Variants in PKN2 observed in about 807,000 individuals in gnomAD.
The protein encoded by PKN2 is protein kinase N2, also known as serine/threonine-protein kinase N2.
PKN2 carries 38 observed loss-of-function variants against 119.1 expected under a neutral mutation model. That is an observed-to-expected ratio of 0.32 (90% confidence interval 0.25 to 0.42). The LOEUF (loss-of-function observed/expected upper bound fraction) is 0.42, where lower values mean the gene tolerates loss of function less well. PKN2 is among the 10% of genes least tolerant of loss of function. The pLI, the probability that PKN2 is intolerant of heterozygous loss-of-function variation, is 1.00. For synonymous variants in PKN2, 390 were observed against 384.9 expected, an observed-to-expected ratio of 1.01 and a Z score of -0.15; for missense variants, 850 against 1,165.1, an observed-to-expected ratio of 0.73 and a Z score of 3.94.
rs530787358 is a variant in PKN2 at position 88,758,913 on chromosome 1, T to C, written c.350-1309T>C. On this transcript the variant is annotated intron_variant, in intron 2 of 21. Coordinates refer to ENST00000370521, the MANE Select transcript of PKN2 (RefSeq NM_006256.4). The stretch of plus-strand genomic sequence containing the variant: ...TTTGGGTATATACCCAGTAATGGGA[T>C]TGCTGGGTCGAACGGTATTTCTGTC... Among the ~76,000 whole-genome samples, 5 of 152,346 alleles carry C rather than the reference T, an allele frequency of 3.3e-5. No homozygotes were observed. In the East Asian group the frequency reaches 9.6e-4, roughly 29 times the overall value.
intron 1 of PKN2, among the ~76,000 whole-genome samples, chr1:88,716,004 T>C (rs768889980): frequency 6.6e-6 from 1 of 152,226 alleles, no homozygotes; most frequent in Non-Finnish European, 1.5e-5. Context: ...TTTGTTCTCA[T>C]TGGTTTCAAA....
chr1:88,755,305 G>A (rs537627891), intron 2 of PKN2, among the ~76,000 whole-genome samples: 53 of 152,274 alleles, frequency 3.5e-4, no homozygotes, highest in Admixed American at 9.8e-4. Context: ...GAGAAGAAAA[G>A]CAGTGTGTAG....
rs983815402 is a variant in PKN2, at chr1:88,760,394, A to G, written c.504+18A>G. On this transcript the variant is annotated intron_variant, in intron 3 of 21. Coordinates refer to ENST00000370521, the MANE Select transcript of PKN2 (RefSeq NM_006256.4). ...CTTCAAAGGTAAGTGTAGTTAATAA[A>G]TGTAACTATATAGTCAGTCATTATT... 1.5e-6 allele frequency: 2 copies of G among 1,330,142 alleles called. No homozygotes were observed. Among genetic ancestry groups the G allele is most frequent in the African/African-American group, 1.5e-5 (1 of 66,432 alleles). The allele number at this position is 1,330,142 out of a possible 1,614,324, so 82.4% of individuals were successfully genotyped here. A position where few individuals can be genotyped will look rare whatever the true frequency, so the allele number is the denominator to read the frequency against.
At chr1:88,703,803 C>T (rs1666865020) in intron 1 of PKN2, among the ~76,000 whole-genome samples, 1 of 151,998 alleles carries the variant, frequency 6.6e-6, no homozygotes. Flanking sequence ...AAATGAGACC[C>T]AGAGAGGTTT....
At chr1:88,693,319 C>G (rs1029616327) in intron 1 of PKN2, among the ~76,000 whole-genome samples, 22 of 152,164 alleles carry the variant, frequency 1.4e-4, no homozygotes, top group African/African-American at 5.3e-4. Context: ...ATCTTCTGAA[C>G]AGTTTACTAG....
chr1:88,829,016 G>T (rs200056151), intron 19 of PKN2: 143 of 641,584 alleles, frequency 2.2e-4, no homozygotes, highest in Non-Finnish European at 2.8e-4. Flanking sequence ...CCAGACTTCC[G>T]TCTGAGCAAC....
intron 18 of PKN2, among the ~76,000 whole-genome samples, chr1:88,826,504 A>C (rs1672506585): frequency 6.6e-6 from 1 of 152,122 alleles, no homozygotes; most frequent in Non-Finnish European, 1.5e-5. Flanking sequence ...TAGTGGTGAA[A>C]TCAAGGCTTT....
At chr1:88,709,179 G>A (rs1214662287) in intron 1 of PKN2, among the ~76,000 whole-genome samples, 1 of 151,528 alleles carries the variant, frequency 6.6e-6, no homozygotes. Context: ...TCAGCCTCCC[G>A]AGTAGCTGGG....
At chr1:88,767,045 A>G (rs1045830846) in intron 3 of PKN2, among the ~76,000 whole-genome samples, 2 of 152,210 alleles carry the variant, frequency 1.3e-5, no homozygotes, top group African/African-American at 4.8e-5. Flanking sequence ...AAATAATAAA[A>G]GAAGTAGCTT....
chr1:88,756,860 T>G (rs1669227522), intron 2 of PKN2, among the ~76,000 whole-genome samples: 1 of 152,200 alleles, frequency 6.6e-6, no homozygotes, highest in South Asian at 2.1e-4. Flanking sequence ...GTACACATAA[T>G]TTATTTAATC....
rs921539670 is a variant in PKN2 at position 88,805,608 on chromosome 1, C to T, written c.1613C>T (p.Ala538Val). Residue 538 changes from alanine (A) to valine (V), a missense_variant, in exon 11 of 22, where the codon GCT becomes GTT. Physicochemically the swap from Ala to Val is moderately conservative, Grantham distance 64. Coordinates refer to ENST00000370521, the MANE Select transcript of PKN2 (RefSeq NM_006256.4). The stretch of plus-strand genomic sequence containing the variant: ...CATTCTGGCACCTTCAGCCCTCAAG[C>T]TCCTGTGCCTACTACAGTGCCAGTG... The part of the protein sequence containing the change: ...VNHSGTFSPQ[A>V]PVPTTVPVVD... The T allele has an allele frequency of 3.7e-6, 6 of 1,613,950 alleles. No homozygotes were observed. The African/African-American group carries it at 5.3e-5, about 14-fold the overall frequency.
At chr1:88,713,889 T>C (rs1422547072) in intron 1 of PKN2, among the ~76,000 whole-genome samples, 1 of 152,242 alleles carries the variant, frequency 6.6e-6, no homozygotes, top group Admixed American at 6.5e-5. Context: ...CTAGGTTTTC[T>C]TCTAGGGTTT....
chr1:88,770,571 C>T, intron 4 of PKN2, 102 bp downstream of exon 4: 1 of 618,444 alleles, frequency 1.6e-6, no homozygotes, highest in Non-Finnish European at 2.9e-6. Context: ...GGAAGCATTA[C>T]TATTACTTTT....
At chr1:88,805,823 A>G in intron 11 of PKN2, 68 bp from the exon 12 acceptor site, 1 of 1,608,620 alleles carries the variant, frequency 6.2e-7, no homozygotes, top group Non-Finnish European at 8.5e-7. Flanking sequence ...TGTTTGCTTT[A>G]ATTTTAAAGC....
At chr1:88,814,606 T>G (rs1394650407) in intron 16 of PKN2, among the ~76,000 whole-genome samples, 3 of 152,158 alleles carry the variant, frequency 2.0e-5, no homozygotes, top group Non-Finnish European at 4.4e-5. Flanking sequence ...TTTTCCATTT[T>G]TCTACCTACC....
chr1:88,778,528 A>G (rs558850202), intron 6 of PKN2, among the ~76,000 whole-genome samples: 1 of 152,292 alleles, frequency 6.6e-6, no homozygotes, highest in South Asian at 2.1e-4. Context: ...TAATATGTAG[A>G]AGCATTGCAA....
chr1:88,726,142 TAG>T (rs1287667427), intron 1 of PKN2, among the ~76,000 whole-genome samples: 2 of 152,194 alleles, frequency 1.3e-5, no homozygotes, highest in African/African-American at 2.4e-5. Context: ...TATCTGCTAA[TAG>T]GGGGAGTTTT....
chr1:88,705,216 C>G (rs1170957067), intron 1 of PKN2, among the ~76,000 whole-genome samples: 2 of 151,372 alleles, frequency 1.3e-5, no homozygotes, highest in African/African-American at 2.4e-5. Flanking sequence ...TTCTTTTGCA[C>G]ACTGTGTTTT....
chr1:88,730,160 G>A (rs1349686371), intron 1 of PKN2, among the ~76,000 whole-genome samples: 12 of 149,918 alleles, frequency 8.0e-5, no homozygotes, highest in Admixed American at 2.6e-4. Context: ...ACGAGACTCC[G>A]TCTCAAAAAA....
Sources: gnomAD v4.1 joint callset for allele counts (sites outside exome capture counted in the v4.1 genomes callset) on GRCh38, gnomAD v4.1.1 for gene constraint, MANE v1.5 for transcripts, NCBI Gene and HGNC (gene_info 2026-07-23, HGNC 2026-07-21) for gene names.